Variants in ATRNL1 observed in about 807,000 individuals in gnomAD.
ATRNL1 encodes attractin like 1, also known as attractin-like protein 1.
ATRNL1 carries 95 observed loss-of-function variants against 182.7 expected under a neutral mutation model. That is an observed-to-expected ratio of 0.52 (90% CI 0.44 to 0.62). The LOEUF (loss-of-function observed/expected upper bound fraction) is 0.62, where lower values mean the gene tolerates loss of function less well. Among genes scored for constraint, ATRNL1 ranks in the 20% least tolerant of loss-of-function variants. The probability of loss-of-function intolerance (pLI) is 0.00; values close to 1 mark genes in which losing one functional copy is unlikely to be tolerated. For missense variants in ATRNL1, 1,471 were observed against 1,679.5 expected (o/e 0.88, Z 2.17); for synonymous variants, 576 against 568.3 (o/e 1.01, Z -0.19).
intron 3 of ATRNL1, among the ~76,000 whole-genome samples, chr10:115,125,467 T>C (rs1844926667): frequency 6.6e-6 from 1 of 152,082 alleles, no homozygotes; most frequent in South Asian, 2.1e-4. Context: ...TTTTAGAATG[T>C]GGAGAATGCA....
intron 13 of ATRNL1, among the ~76,000 whole-genome samples, chr10:115,277,732 T>C (rs1004204571): frequency 6.6e-6 from 1 of 152,136 alleles, no homozygotes; most frequent in Non-Finnish European, 1.5e-5. Flanking sequence ...ATTGATAATA[T>C]GTGAATTATC....
chr10:115,723,402 A>G (rs1457892212), intron 26 of ATRNL1, among the ~76,000 whole-genome samples: 3 of 152,292 alleles, frequency 2.0e-5, no homozygotes, highest in Non-Finnish European at 4.4e-5. Flanking sequence ...AAAGGTAGCT[A>G]GTATCAAGTT....
intron 8 of ATRNL1, among the ~76,000 whole-genome samples, chr10:115,195,260 A>G (rs1423314268): frequency 6.6e-6 from 1 of 151,878 alleles, no homozygotes; most frequent in East Asian, 1.9e-4. Context: ...ACATTGAAGA[A>G]CTCCTTTTAA....
chr10:115,898,816 T>G (rs1952273894), intron 28 of ATRNL1, among the ~76,000 whole-genome samples: 1 of 152,210 alleles, frequency 6.6e-6, no homozygotes. Context: ...TGACTAATTT[T>G]TAAAATTGTT....
At chr10:115,146,849 T>C (rs1008706398) in intron 5 of ATRNL1, among the ~76,000 whole-genome samples, 7 of 151,286 alleles carry the variant, frequency 4.6e-5, no homozygotes, top group Non-Finnish European at 1.0e-4. Flanking sequence ...GTATATACAC[T>C]ATATTTTCAT....
chr10:115,096,622 A>G, intron 1 of ATRNL1: 1 of 1,275,526 alleles, frequency 7.8e-7, no homozygotes, highest in Non-Finnish European at 1.0e-6. Flanking sequence ...CTCCATGGTA[A>G]CTTAGCTTTT....
intron 26 of ATRNL1, among the ~76,000 whole-genome samples, chr10:115,628,566 A>G (rs1269408060): frequency 4.6e-5 from 7 of 152,176 alleles, no homozygotes; most frequent in African/African-American, 1.4e-4. Context: ...AATGCACAAA[A>G]GTTTTAAATT....
At chr10:115,429,243 C>T (rs369490365) in intron 21 of ATRNL1, among the ~76,000 whole-genome samples, 52 of 151,950 alleles carry the variant, frequency 3.4e-4, no homozygotes, top group East Asian at 2.3e-3. Flanking sequence ...AAATAAAATT[C>T]GTTTTAGTAT....
At chr10:115,270,442 AAT>A (rs1851811237) in intron 13 of ATRNL1, among the ~76,000 whole-genome samples, 1 of 146,448 alleles carries the variant, frequency 6.8e-6, no homozygotes, top group Non-Finnish European at 1.5e-5. Flanking sequence ...TATAATCTAT[AAT>A]ATATGTGTAT....
At chr10:115,431,420 G>T (rs797025315) in intron 21 of ATRNL1, among the ~76,000 whole-genome samples, 2 of 139,970 alleles carry the variant, frequency 1.4e-5, no homozygotes, top group Non-Finnish European at 3.1e-5. Context: ...AAAAAAAAAA[G>T]AAAAGAAAAG....
At chr10:115,184,439 C>T (rs2144183445) in intron 8 of ATRNL1, among the ~76,000 whole-genome samples, 1 of 150,794 alleles carries the variant, frequency 6.6e-6, no homozygotes, top group Admixed American at 6.6e-5. Flanking sequence ...TATATATATA[C>T]ACACAACTAT....
chr10:115,797,360 T>A (rs1949678279), intron 27 of ATRNL1, among the ~76,000 whole-genome samples: 1 of 152,162 alleles, frequency 6.6e-6, no homozygotes, highest in Non-Finnish European at 1.5e-5. Context: ...TAGTGTTTTT[T>A]AATTTGCAAT....
chr10:115,138,984 C>G (rs1158543245), intron 5 of ATRNL1, among the ~76,000 whole-genome samples: 2 of 152,124 alleles, frequency 1.3e-5, no homozygotes, highest in African/African-American at 4.8e-5. Context: ...CACCAGATAC[C>G]CTAAATCATC....
chr10:115,796,176 T>C (rs1165685459), intron 27 of ATRNL1, among the ~76,000 whole-genome samples: 1 of 151,868 alleles, frequency 6.6e-6, no homozygotes, highest in African/African-American at 2.4e-5. Context: ...TCTGTGGAGA[T>C]GCCGTCATCA....
Position 115,265,229 on chromosome 10 carries a change from T to C in ATRNL1, c.1724T>C (p.Leu575Pro). The C allele has an allele frequency of 6.2e-7, 1 of 1,609,188 alleles. No individual in the cohort carries two copies. The highest frequency in any genetic ancestry group is 1.1e-5 in the South Asian group (1 of 90,448). Residue 575 changes from leucine (L) to proline (P), a missense_variant, in exon 11 of 29, where the codon CTT becomes CCT. By Grantham distance (98) the Leu-to-Pro change is moderately conservative (BLOSUM62 -3). Around this residue, in one of 3 missense-constraint regions of ATRNL1, gnomAD observed 1,031 missense variants for 1,156.0 expected, o/e 0.89. Coordinates refer to ENST00000355044, the MANE Select transcript of ATRNL1 (RefSeq NM_207303.4). ...TGGAAAATACTACCAAAACCAAATC[T>C]TCATAGAGATGTCAACAGATTTGGA... ...DEWKILPKPN[L>P]HRDVNRFGHS... is the part of the protein sequence containing the mutation.
chr10:115,923,430 C>A (rs1440996106), intron 28 of ATRNL1, among the ~76,000 whole-genome samples: 3 of 152,236 alleles, frequency 2.0e-5, no homozygotes, highest in Admixed American at 6.5e-5. Flanking sequence ...CACAACAGGC[C>A]CTGGTGTGTG....
At chr10:115,314,995 C>G (rs1854222947) in intron 17 of ATRNL1, among the ~76,000 whole-genome samples, 1 of 152,106 alleles carries the variant, frequency 6.6e-6, no homozygotes, top group Admixed American at 6.6e-5. Flanking sequence ...ACATAGTAGC[C>G]AAATACTAGT....
At chr10:115,944,214 G>T in intron 28 of ATRNL1, among the ~76,000 whole-genome samples, 1 of 149,232 alleles carries the variant, frequency 6.7e-6, no homozygotes, top group Non-Finnish European at 1.5e-5. Flanking sequence ...CTCAATATTG[G>T]TTCAATTTTT....
chr10:115,126,258 C>A, intron 3 of ATRNL1, among the ~76,000 whole-genome samples: 1 of 152,144 alleles, frequency 6.6e-6, no homozygotes, highest in East Asian at 1.9e-4. Context: ...TGGGGTTTCA[C>A]TGTGTTGGCC....
Sources: gnomAD v4.1 joint callset for allele counts (sites outside exome capture counted in the v4.1 genomes callset) on GRCh38, gnomAD v4.1.1 for gene constraint, gnomAD v4.1.1 regional missense constraint, MANE v1.5 for transcripts, NCBI Gene and HGNC (gene_info 2026-07-23, HGNC 2026-07-21) for gene names.